Variants in TMEM244 observed in about 807,000 individuals in gnomAD.
The protein encoded by TMEM244 is transmembrane protein 244.
TMEM244 carries 13 observed loss-of-function variants against 15.8 expected under a neutral mutation model. The ratio of observed to expected loss-of-function variants is 0.82; its 90% CI spans 0.53 to 1.30. TMEM244 has a LOEUF of 1.30. TMEM244 is among the 50% of genes most tolerant of loss of function. The pLI, the probability that TMEM244 is intolerant of heterozygous loss-of-function variation, is 0.00. For synonymous variants in TMEM244, 45 were observed against 48.7 expected, an observed-to-expected ratio of 0.92 and a Z score of 0.32; for missense variants, 161 against 144.9, an observed-to-expected ratio of 1.11 and a Z score of -0.57.
intron 1 of TMEM244, among the ~76,000 whole-genome samples, chr6:129,854,239 C>T (rs1776673860): frequency 6.6e-6 from 1 of 152,100 alleles, no homozygotes; most frequent in Admixed American, 6.6e-5. Context: ...TTGGATGATT[C>T]ATTACAGTTT....
intron 3 of TMEM244, 78 bp downstream of exon 3, chr6:129,843,452 A>AT (rs567780202): frequency 6.5e-5 from 66 of 1,015,914 alleles, no homozygotes; most frequent in South Asian, 6.1e-4. Flanking sequence ...GATATTTAAA[A>AT]TTTTTTTATT....
chr6:129,859,298 G>A (rs945922212), intron 1 of TMEM244, among the ~76,000 whole-genome samples: 3 of 152,186 alleles, frequency 2.0e-5, no homozygotes, highest in African/African-American at 7.2e-5. Flanking sequence ...GTTCCCAATA[G>A]ATAATACTTT....
chr6:129,853,463 CTT>C (rs140829248), intron 1 of TMEM244, among the ~76,000 whole-genome samples: 2,307 of 148,998 alleles, frequency 0.015, 20 homozygotes, highest in Non-Finnish European at 0.023. Context: ...AAGCTTCCAC[CTT>C]TTTTTTTTAC....
At chr6:129,847,933 C>A (rs1776582827) in intron 1 of TMEM244, among the ~76,000 whole-genome samples, 1 of 151,984 alleles carries the variant, frequency 6.6e-6, no homozygotes, top group South Asian at 2.1e-4. Context: ...CACCACCAAG[C>A]CCAGCTAATT....
intron 1 of TMEM244, among the ~76,000 whole-genome samples, chr6:129,851,367 C>A (rs1057077748): frequency 8.5e-5 from 13 of 152,166 alleles, no homozygotes; most frequent in African/African-American, 2.4e-4. Flanking sequence ...CTCCCAGGCT[C>A]AAGCAATTCT....
chr6:129,855,201 C>T (rs999219486), intron 1 of TMEM244, among the ~76,000 whole-genome samples: 3 of 152,122 alleles, frequency 2.0e-5, no homozygotes, highest in African/African-American at 7.2e-5. Context: ...TAATCTTTTA[C>T]TTCACTAACA....
At chr6:129,847,896 T>A (rs1776582359) in intron 1 of TMEM244, among the ~76,000 whole-genome samples, 1 of 151,406 alleles carries the variant, frequency 6.6e-6, no homozygotes, top group African/African-American at 2.4e-5. Flanking sequence ...TTCCTCAGCC[T>A]CCCTGGTAGC....
chr6:129,834,001 T>C (rs1584179414), intron 3 of TMEM244, among the ~76,000 whole-genome samples: 1 of 152,228 alleles, frequency 6.6e-6, no homozygotes, highest in East Asian at 1.9e-4. Flanking sequence ...TTTATTGAAC[T>C]ACAACGTTTG....
At chr6:129,841,233 C>G (rs1776485295) in intron 3 of TMEM244, among the ~76,000 whole-genome samples, 2 of 152,146 alleles carry the variant, frequency 1.3e-5, no homozygotes, top group African/African-American at 4.8e-5. Context: ...CCATGGAACT[C>G]TATGCATCCA....
intron 4 of TMEM244, among the ~76,000 whole-genome samples, chr6:129,833,250 CG>C (rs2114631619): frequency 6.6e-6 from 1 of 151,970 alleles, no homozygotes; most frequent in South Asian, 2.1e-4. Flanking sequence ...CAAAATAAAA[CG>C]CTTTTAAAAA....
At chr6:129,847,014 T>G (rs529942385) in intron 1 of TMEM244, among the ~76,000 whole-genome samples, 92 of 152,252 alleles carry the variant, frequency 6.0e-4, no homozygotes, top group Non-Finnish European at 1.0e-3. Flanking sequence ...ATTAAAGGCT[T>G]AAATGCCATG....
At chr6:129,845,162 G>A (rs1197168198) in intron 2 of TMEM244, among the ~76,000 whole-genome samples, 3 of 152,292 alleles carry the variant, frequency 2.0e-5, no homozygotes, top group African/African-American at 7.2e-5. Context: ...TGAAGGCATT[G>A]AAATAGGAGA....
intron 3 of TMEM244, among the ~76,000 whole-genome samples, chr6:129,838,167 T>C (rs528454841): frequency 6.6e-6 from 1 of 152,288 alleles, no homozygotes; most frequent in East Asian, 1.9e-4. Context: ...ACCACATAAT[T>C]GGTAGTAAAA....
intron 1 of TMEM244, among the ~76,000 whole-genome samples, chr6:129,858,414 A>G (rs1776748780): frequency 6.6e-6 from 1 of 152,172 alleles, no homozygotes; most frequent in Admixed American, 6.5e-5. Context: ...TGCAAAGCAG[A>G]ATGTTCCCAT....
chr6:129,834,626 A>G (rs1443422616), intron 3 of TMEM244, among the ~76,000 whole-genome samples: 1 of 152,200 alleles, frequency 6.6e-6, no homozygotes, highest in Non-Finnish European at 1.5e-5. Context: ...ATCTTTTTAA[A>G]GGCCTCACAC....
At chr6:129,854,549 T>A (rs1477698572) in intron 1 of TMEM244, among the ~76,000 whole-genome samples, 1 of 152,200 alleles carries the variant, frequency 6.6e-6, no homozygotes, top group Non-Finnish European at 1.5e-5. Flanking sequence ...TGTACTTGTC[T>A]AGATGAGCTC....
intron 4 of TMEM244, 86 bp from the exon 5 acceptor site, chr6:129,831,472 A>G: frequency 4.4e-6 from 4 of 916,570 alleles, no homozygotes; most frequent in South Asian, 2.8e-5. Context: ...GTCAAATTAT[A>G]TCCACTCAAC....
intron 1 of TMEM244, among the ~76,000 whole-genome samples, chr6:129,851,099 T>C (rs1002698973): frequency 6.6e-6 from 1 of 152,192 alleles, no homozygotes; most frequent in African/African-American, 2.4e-5. Context: ...TTCATTTGCA[T>C]TTCACAGACT....
In TMEM244 at chr6:129,853,447, AT is replaced by A. The variant is rs536989077; in HGVS notation, c.34-7596del. On this transcript the variant is annotated intron_variant, in intron 1 of 4. Transcript: ENST00000368143. ...ATATCATTATAAATGCAATTTCTTC[AT>A]TAAAAAGCTTCCACCTTTTTTTTTT... 3.7e-4 allele frequency among the ~76,000 whole-genome samples: 56 copies of A among 150,872 alleles called. 1 individual carries two copies. Among genetic ancestry groups the A allele is most frequent in the African/African-American group, 1.3e-3 (54 of 41,394 alleles).
Sources: allele counts gnomAD v4.1 joint callset (sites outside exome capture counted in the v4.1 genomes callset), GRCh38; gene constraint gnomAD v4.1.1; transcripts MANE v1.5; gene names NCBI Gene and HGNC (gene_info 2026-07-23, HGNC 2026-07-21).